The following SIPA1L1 variants were observed in gnomAD, a reference collection of about 807,000 sequenced individuals.
The protein encoded by SIPA1L1 is signal induced proliferation associated 1 like 1, also known as signal-induced proliferation-associated 1-like protein 1.
Under a neutral mutation model 162.7 loss-of-function variants are expected in SIPA1L1, and 26 were observed. The ratio of observed to expected loss-of-function variants is 0.16; its 90% CI spans 0.12 to 0.22. The LOEUF (loss-of-function observed/expected upper bound fraction) is 0.22. Ranked by LOEUF, SIPA1L1 falls within the 10% of genes least tolerant of loss-of-function variation. SIPA1L1 has a pLI of 1.00. For synonymous variants in SIPA1L1, 829 were observed against 837.4 expected, an observed-to-expected ratio of 0.99 and a Z score of 0.17; for missense variants, 1,874 against 2,241.0, an observed-to-expected ratio of 0.84 and a Z score of 3.31.
intron 2 of SIPA1L1, among the ~76,000 whole-genome samples, chr14:71,331,139 C>T: frequency 6.6e-6 from 1 of 152,152 alleles, no homozygotes. Flanking sequence ...TTTTCCAACA[C>T]CATTTGTTGA....
chr14:71,635,569 T>C lies in SIPA1L1; in HGVS notation c.1818+11333T>C, dbSNP rs1328712632. Among the ~76,000 whole-genome samples the C allele has an allele frequency of 2.6e-5, 4 of 152,196 alleles. No individual in the cohort carries two copies. The East Asian group carries it at 7.7e-4, about 29-fold the overall frequency. ...GATATCAACTACATAGATAAAGATA[T>C]ATATAGTAATACATAGAGCAATCAC... On this transcript the variant is annotated intron_variant, in intron 7 of 23. Transcript: ENST00000381232.
intron 2 of SIPA1L1, among the ~76,000 whole-genome samples, chr14:71,378,747 C>T (rs148628650): frequency 2.5e-3 from 386 of 151,486 alleles, no homozygotes; most frequent in Non-Finnish European, 4.5e-3. Flanking sequence ...ATGATTTTGT[C>T]ATTGTCCTTT....
At chr14:71,577,069 CAAA>C (rs747771194) in intron 4 of SIPA1L1, among the ~76,000 whole-genome samples, 10 of 111,536 alleles carry the variant, frequency 9.0e-5, no homozygotes, top group Non-Finnish European at 9.2e-5. Flanking sequence ...GGTGACAGAG[CAAA>C]AAAAAAAAAA....
chr14:71,638,830 A>C (rs1046230635), intron 7 of SIPA1L1, among the ~76,000 whole-genome samples: 1 of 152,234 alleles, frequency 6.6e-6, no homozygotes, highest in African/African-American at 2.4e-5. Context: ...AACTTACAAA[A>C]ATCAGTTAGA....
Position 71,446,906 on chromosome 14 carries a change from G to GTTTTTTTTTTTTTTTTTT in SIPA1L1, c.-464-65831_-464-65814dup, listed in dbSNP as rs1189940440. 1.1e-3 allele frequency among the ~76,000 whole-genome samples: 58 copies of GTTTTTTTTTTTTTTTTTT among 53,222 alleles called. 2 individuals are homozygous for GTTTTTTTTTTTTTTTTTT. The highest frequency in any genetic ancestry group is 2.3e-3 in the East Asian group (3 of 1,318). 34.9% of individuals were successfully genotyped at this position (53,222 alleles called of 152,430 possible). The stretch of plus-strand genomic sequence containing the variant: ...AGAGATGGGCTCTGTTTTTTTTTTT[G>GTTTTTTTTTTTTTTTTTT]TTTTTTTTTTTTTTTTTTTTTTTGA... On this transcript the variant is annotated intron_variant, in intron 2 of 23. Transcript: ENST00000381232.
chr14:71,654,631 T>C (rs2042906960), intron 8 of SIPA1L1, among the ~76,000 whole-genome samples: 1 of 152,202 alleles, frequency 6.6e-6, no homozygotes, highest in Non-Finnish European at 1.5e-5. Context: ...ATAAGACTTT[T>C]CATAAAGAAA....
chr14:71,393,645 C>T (rs1489313528), intron 2 of SIPA1L1, among the ~76,000 whole-genome samples: 1 of 152,074 alleles, frequency 6.6e-6, no homozygotes, highest in African/African-American at 2.4e-5. Flanking sequence ...TAGTCTCTAT[C>T]TTCCCCACAC....
chr14:71,510,795 T>TG (rs1238662111), intron 2 of SIPA1L1, among the ~76,000 whole-genome samples: 1 of 152,192 alleles, frequency 6.6e-6, no homozygotes, highest in Non-Finnish European at 1.5e-5. Flanking sequence ...GTAAAACATC[T>TG]GGGACATAGT....
intron 4 of SIPA1L1, among the ~76,000 whole-genome samples, chr14:71,551,356 A>G (rs1032238894): frequency 3.9e-5 from 6 of 152,280 alleles, no homozygotes; most frequent in African/African-American, 1.4e-4. Context: ...CAGGATGGCT[A>G]GTCTCCCTAT....
At chr14:71,622,426 T>C (rs2039546878) in intron 6 of SIPA1L1, among the ~76,000 whole-genome samples, 2 of 152,212 alleles carry the variant, frequency 1.3e-5, no homozygotes, top group Admixed American at 6.5e-5. Flanking sequence ...CTTTTTCTCA[T>C]CTGCTTTGGC....
intron 4 of SIPA1L1, among the ~76,000 whole-genome samples, chr14:71,534,493 A>G (rs563306429): frequency 2.3e-4 from 35 of 152,304 alleles, no homozygotes; most frequent in African/African-American, 8.2e-4. Context: ...GCGTGATTAT[A>G]TCTTATTCCA....
intron 23 of SIPA1L1, 61 bp from the exon 24 acceptor site, chr14:71,738,957 G>A: frequency 6.4e-7 from 1 of 1,563,864 alleles, no homozygotes; most frequent in Non-Finnish European, 8.7e-7. Context: ...CTATTACTCA[G>A]AAGAGCTGGG....
intron 4 of SIPA1L1, among the ~76,000 whole-genome samples, chr14:71,529,622 T>C (rs2053236337): frequency 6.6e-6 from 1 of 152,242 alleles, no homozygotes; most frequent in Non-Finnish European, 1.5e-5. Context: ...TAGTACTGAC[T>C]GAACATTAGG....
chr14:71,491,813 C>CACACACACACACACA (rs1555437273), intron 2 of SIPA1L1, among the ~76,000 whole-genome samples: 15 of 147,746 alleles, frequency 1.0e-4, no homozygotes, highest in East Asian at 4.0e-4. Context: ...CACACACACA[C>CACACACACACACACA]CCCTTCCCCC....
intron 2 of SIPA1L1, among the ~76,000 whole-genome samples, chr14:71,397,516 A>G (rs1462071667): frequency 4.6e-5 from 7 of 151,852 alleles, no homozygotes; most frequent in Non-Finnish European, 8.8e-5. Context: ...TGGGTGGGGA[A>G]TAATGTGTGT....
rs200814760 is a variant in SIPA1L1 at position 71,589,161 on chromosome 14, G to C, written c.1289G>C (p.Ser430Thr). Reference protein sequence around the residue: ...EIGGEGERKISLSKSNSGSFS... With the variant: ...EIGGEGERKITLSKSNSGSFS... ...GGTGGAGAAGGGGAGAGGAAAATCAGCCTTTCAAAATCAAATTCTGGCTCC... is the reference window on the plus strand; with the variant it reads ...GGTGGAGAAGGGGAGAGGAAAATCACCCTTTCAAAATCAAATTCTGGCTCC... The change falls in exon 5 of 24, where the codon AGC (serine) becomes ACC (threonine). Residue 430 changes from serine to threonine, a missense_variant. Ser to Thr is a moderately conservative substitution (Grantham distance 58). Coordinates refer to ENST00000381232, the MANE Select transcript of SIPA1L1 (RefSeq NM_001386936.1). The C allele has an allele frequency of 2.5e-6, 4 of 1,614,068 alleles. No homozygotes were observed. The African/African-American group carries it at 5.3e-5, about 22-fold the overall frequency.
intron 8 of SIPA1L1, among the ~76,000 whole-genome samples, chr14:71,654,773 C>T (rs117914462): frequency 1.4e-3 from 210 of 152,290 alleles, no homozygotes; most frequent in Non-Finnish European, 2.5e-3. Context: ...CTTTCATCCT[C>T]CTTCTACAAG....
intron 2 of SIPA1L1, among the ~76,000 whole-genome samples, chr14:71,357,615 G>A (rs539530543): frequency 2.6e-5 from 4 of 152,168 alleles, no homozygotes; most frequent in African/African-American, 7.2e-5. Flanking sequence ...AGGCTGCAGC[G>A]CAGTGGCATG....
intron 4 of SIPA1L1, among the ~76,000 whole-genome samples, chr14:71,568,779 C>T (rs1157758239): frequency 6.6e-6 from 1 of 152,164 alleles, no homozygotes; most frequent in East Asian, 1.9e-4. Context: ...ATTTCATAAA[C>T]ACACAGTACT....
Sources: allele counts gnomAD v4.1 joint callset (sites outside exome capture counted in the v4.1 genomes callset), GRCh38; gene constraint gnomAD v4.1.1; transcripts MANE v1.5; gene names NCBI Gene and HGNC (gene_info 2026-07-23, HGNC 2026-07-21).